VPS13C: variants seen among roughly 807,000 people sequenced by gnomAD.
VPS13C encodes the protein intermembrane lipid transfer protein VPS13C.
Under a neutral mutation model 456.8 loss-of-function variants are expected in VPS13C, and 358 were observed. The ratio of observed to expected loss-of-function variants is 0.78; its 90% CI spans 0.72 to 0.86. The LOEUF (loss-of-function observed/expected upper bound fraction) is 0.86. VPS13C is among the 40% of genes least tolerant of loss of function. The pLI is 0.00. For missense variants in VPS13C, 4,818 were observed against 4,385.4 expected (o/e 1.10, Z -2.79); for synonymous variants, 1,578 against 1,486.7 (o/e 1.06, Z -1.41).
intron 67 of VPS13C, 134 bp from the exon 68 acceptor site, chr15:61,884,403 G>T: frequency 2.2e-6 from 2 of 900,456 alleles, no homozygotes; most frequent in Non-Finnish European, 3.2e-6. Context: ...TTAAAATAAC[G>T]AACTATACCT....
chr15:61,934,357 T>C (rs770315118), intron 48 of VPS13C, 26 bp from the exon 49 acceptor site: 1 of 1,280,006 alleles, frequency 7.8e-7, no homozygotes. Flanking sequence ...TAAAAGCTTT[T>C]AAGTAGGTAC....
chr15:61,854,334 A>G lies in VPS13C; in HGVS notation c.*123T>C. ...AAAACTAGAAAACCCAATACTAGCT[A>G]TTCCAGAAAACTAAAACTAAAGGAT... On this transcript the variant is annotated 3_prime_UTR_variant, in exon 85 of 85. Coordinates refer to ENST00000644861, the MANE Select transcript of VPS13C (RefSeq NM_020821.3). 1.1e-6 allele frequency: 1 copy of G among 920,918 alleles called. No homozygotes were observed. 57.0% of individuals were successfully genotyped at this position (920,918 alleles called of 1,614,324 possible). A position where few individuals can be genotyped will look rare whatever the true frequency, so the allele number is the denominator to read the frequency against.
At position 61,880,937 on chromosome 15, in the gene VPS13C, A is replaced by G. The variant is rs558504065; in HGVS notation, c.9794T>C (p.Ile3265Thr). ...ATCAATTTTTAAGGCCATTTCCTGA[A>G]TGAGGACCATAAAATACCTAAGAAA... is the stretch of plus-strand genomic sequence containing the variant. ...VLQFKYFMVL[I>T]QEMALKIDQG... Residue 3265 changes from isoleucine to threonine, a missense_variant, in exon 72 of 85, where the codon ATT becomes ACT. Coordinates refer to ENST00000644861, the MANE Select transcript of VPS13C (RefSeq NM_020821.3). 1 of 1,606,320 alleles carries G rather than the reference A, an allele frequency of 6.2e-7. No individual in the cohort carries two copies. The highest frequency in any genetic ancestry group is 1.1e-5 in the South Asian group (1 of 89,058).
intron 67 of VPS13C, among the ~76,000 whole-genome samples, chr15:61,889,338 T>A (rs1390105561): frequency 1.3e-5 from 2 of 152,208 alleles, no homozygotes; most frequent in Non-Finnish European, 2.9e-5. Context: ...ATTAACATTA[T>A]ATTAATGGTA....
intron 16 of VPS13C, among the ~76,000 whole-genome samples, chr15:61,996,898 T>TAC (rs2046402672): frequency 7.0e-6 from 1 of 142,938 alleles, no homozygotes; most frequent in African/African-American, 2.7e-5. Flanking sequence ...CACACACACA[T>TAC]ATATATATAT....
At position 61,879,297 on chromosome 15, in the gene VPS13C, AAT is replaced by A. The variant is rs559296860; in HGVS notation, c.10003-553_10003-552del. The A allele has an allele frequency of 5.1e-3, 770 of 152,308 alleles. 6 individuals are homozygous for A. Among genetic ancestry groups the A allele is most frequent in the South Asian group, 0.026 (125 of 4,832 alleles). 9.4% of individuals were successfully genotyped at this position (152,308 alleles called of 1,614,324 possible). On this transcript the variant is annotated intron_variant, in intron 73 of 84. Transcript: ENST00000644861. Reference sequence around the variant, plus strand: ...AGAAGACATAGGCAAAAAGTAATTCAATATGTGTAAATAAAGTAGATGAATTT... The same window carrying A: ...AGAAGACATAGGCAAAAAGTAATTCAATGTGTAAATAAAGTAGATGAATTT...
intron 66 of VPS13C, among the ~76,000 whole-genome samples, chr15:61,895,809 A>G (rs906754094): frequency 7.2e-5 from 11 of 152,212 alleles, no homozygotes; most frequent in Admixed American, 2.0e-4. Context: ...TGGGAAGGAT[A>G]GGAAGAAGGG....
Position 61,931,136 on chromosome 15 carries a change from A to T in VPS13C, c.5992T>A (p.Cys1998Ser). Reference sequence around the variant, plus strand: ...CCTTCTCTGAGATCATCAAGGGTGCATGTCTTAAGTTTAACGCTGACATTC... The same window carrying T: ...CCTTCTCTGAGATCATCAAGGGTGCTTGTCTTAAGTTTAACGCTGACATTC... ...SMNVSVKLKT[C>S]TLDDLREGIE... The change falls in exon 50 of 85, where the codon TGC becomes AGC. Residue 1998 changes from cysteine (C) to serine (S), a missense_variant. Transcript: ENST00000644861. 6.2e-7 allele frequency: 1 copy of T among 1,614,140 alleles called. No individual in the cohort carries two copies. The highest frequency in any genetic ancestry group is 8.5e-7 in the Non-Finnish European group (1 of 1,180,018).
rs1403007294 is a variant in VPS13C at position 61,950,935 on chromosome 15, A to C, written c.4536+10T>G. On this transcript the variant is annotated intron_variant, in intron 40 of 84. Coordinates refer to ENST00000644861, the MANE Select transcript of VPS13C (RefSeq NM_020821.3). ...AAATATTAAAGAATCCTAGAAATGA[A>C]ACTAGTTACCTTTGTCAGTAACATT... is the stretch of plus-strand genomic sequence containing the variant. 6.4e-7 allele frequency: 1 copy of C among 1,561,236 alleles called. No individual in the cohort carries two copies. The highest frequency in any genetic ancestry group is 1.8e-5 in the Admixed American group (1 of 54,352).
At chr15:62,028,047 G>A (rs2047695692) in intron 6 of VPS13C, among the ~76,000 whole-genome samples, 1 of 152,016 alleles carries the variant, frequency 6.6e-6, no homozygotes. Context: ...AAACTCAAAA[G>A]AGTAGCCCAA....
chr15:61,961,654 T>A lies in VPS13C; in HGVS notation c.3843A>T (p.Glu1281Asp), dbSNP rs1475550260. The A allele has an allele frequency of 6.2e-7, 1 of 1,613,914 alleles. No individual in the cohort carries two copies. The highest frequency in any genetic ancestry group is 1.1e-5 in the South Asian group (1 of 91,036). Residue 1281 changes from glutamate to aspartate, a missense_variant, in exon 35 of 85, where the codon GAA (glutamate) becomes GAT (aspartate). Around this residue, in one of 3 missense-constraint regions of VPS13C, gnomAD observed 4,552 missense variants for 4,130.6 expected, o/e 1.10. Coordinates refer to ENST00000644861, the MANE Select transcript of VPS13C (RefSeq NM_020821.3). Reference sequence around the variant, plus strand: ...CAATTACTGGAGGATTTAAGTAGTCTTCATCAGACACCAGACTGAACTGAT... The same window carrying A: ...CAATTACTGGAGGATTTAAGTAGTCATCATCAGACACCAGACTGAACTGAT... ...VHNQFSLVSD[E>D]DYLNPPVIDR...
rs972120215 is a variant in VPS13C, at chr15:61,952,061, G to A, written c.4300-81C>T. The A allele has an allele frequency of 4.1e-6, 6 of 1,473,350 alleles. No individual in the cohort carries two copies. In the Admixed American group the frequency reaches 1.2e-4, roughly 29 times the overall value. 91.3% of individuals were successfully genotyped at this position (1,473,350 alleles called of 1,614,324 possible). A position where few individuals can be genotyped will look rare whatever the true frequency, so the allele number is the denominator to read the frequency against. On this transcript the variant is annotated intron_variant, in intron 38 of 84. Transcript: ENST00000644861. Reference sequence around the variant, plus strand: ...AAGTCAAGAATTTAATAAGTATCCAGAGTGATATAAGGAAGAAATTCACAC... The same window carrying A: ...AAGTCAAGAATTTAATAAGTATCCAAAGTGATATAAGGAAGAAATTCACAC...
At position 61,931,144 on chromosome 15, in the gene VPS13C, A is replaced by C; in HGVS notation, c.5984T>G (p.Leu1995Arg). The C allele has an allele frequency of 6.2e-7, 1 of 1,614,160 alleles. No homozygotes were observed. Among genetic ancestry groups the C allele is most frequent in the Non-Finnish European group, 8.5e-7 (1 of 1,180,022 alleles). Reference sequence around the variant, plus strand: ...GAGATCATCAAGGGTGCATGTCTTAAGTTTAACGCTGACATTCATTGAGCC... The same window carrying C: ...GAGATCATCAAGGGTGCATGTCTTACGTTTAACGCTGACATTCATTGAGCC... ...KDGSMNVSVK[L>R]KTCTLDDLRE... Residue 1995 changes from leucine (L) to arginine (R), a missense_variant, in exon 50 of 85, where the codon CTT (leucine) becomes CGT (arginine). This residue lies in a region of VPS13C where 4,552 missense variants were observed against 4,130.6 expected (regional missense o/e 1.10). Transcript: ENST00000644861.
chr15:61,873,240 A>G lies in VPS13C; in HGVS notation c.10578+6T>C. ...AGATTTCTTAAAGATTCAGCAAAGA[A>G]CTTACTCGCAGAAAGCCCTTTCCTC... On this transcript the variant is annotated splice_donor_region_variant and intron_variant, in intron 78 of 84. Coordinates refer to ENST00000644861, the MANE Select transcript of VPS13C (RefSeq NM_020821.3). 6.2e-7 allele frequency: 1 copy of G among 1,613,342 alleles called. No individual in the cohort carries two copies. The highest frequency in any genetic ancestry group is 8.5e-7 in the Non-Finnish European group (1 of 1,179,520).
At chr15:61,961,305 T>C (rs2045192347) in intron 35 of VPS13C, among the ~76,000 whole-genome samples, 1 of 150,912 alleles carries the variant, frequency 6.6e-6, no homozygotes, top group South Asian at 2.1e-4. Flanking sequence ...GGCAGGAGGA[T>C]TGCTTGAACC....
chr15:61,898,245 T>TA (rs1555413692), intron 66 of VPS13C, among the ~76,000 whole-genome samples: 3 of 151,490 alleles, frequency 2.0e-5, no homozygotes, highest in Non-Finnish European at 4.4e-5. Context: ...CAAATTCACA[T>TA]ATAACAATAT....
intron 16 of VPS13C, among the ~76,000 whole-genome samples, chr15:61,999,149 C>T (rs866346224): frequency 2.0e-5 from 3 of 152,096 alleles, no homozygotes; most frequent in South Asian, 4.2e-4. Flanking sequence ...GAGGCCAAGG[C>T]GGGTGGATCA....
chr15:62,033,821 T>C (rs903630824), intron 4 of VPS13C, among the ~76,000 whole-genome samples: 2 of 151,336 alleles, frequency 1.3e-5, no homozygotes, highest in African/African-American at 4.8e-5. Flanking sequence ...AGATAAGAAG[T>C]AGAAACAGAA....
intron 4 of VPS13C, 150 bp downstream of exon 4, chr15:62,034,807 T>C: frequency 2.1e-6 from 1 of 480,042 alleles, no homozygotes; most frequent in Non-Finnish European, 3.7e-6. Flanking sequence ...CATACATATA[T>C]AAAAGTATGC....
Sources: gnomAD v4.1 joint callset for allele counts (sites outside exome capture counted in the v4.1 genomes callset) on GRCh38, gnomAD v4.1.1 for gene constraint, gnomAD v4.1.1 regional missense constraint, MANE v1.5 for transcripts, NCBI Gene and HGNC (gene_info 2026-07-23, HGNC 2026-07-21) for gene names.